The following CD274 variants were observed in gnomAD, a reference collection of about 807,000 sequenced individuals.
CD274 encodes programmed cell death 1 ligand 1.
Under a neutral mutation model 30.1 loss-of-function variants are expected in CD274, and 8 were observed. The ratio of observed to expected loss-of-function variants is 0.27; its 90% confidence interval spans 0.16 to 0.48. The LOEUF (loss-of-function observed/expected upper bound fraction) is 0.48. Among genes scored for constraint, CD274 ranks in the 20% least tolerant of loss-of-function variants. CD274 has a pLI of 0.99. For missense variants in CD274, 353 were observed against 346.6 expected (o/e 1.02, Z -0.15); for synonymous variants, 152 against 124.6 (o/e 1.22, Z -1.46).
chr9:5,458,256 C>G (rs1819342475), intron 3 of CD274, among the ~76,000 whole-genome samples: 1 of 152,184 alleles, frequency 6.6e-6, no homozygotes, highest in South Asian at 2.1e-4. Flanking sequence ...GAAAGGATCC[C>G]AGGCAGGAGC....
intron 1 of CD274, among the ~76,000 whole-genome samples, chr9:5,454,409 C>G (rs1471549209): frequency 1.3e-5 from 2 of 152,160 alleles, no homozygotes; most frequent in East Asian, 3.9e-4. Flanking sequence ...AACACACACA[C>G]ACACTTTTTT....
rs2131211414 is a variant in CD274 at position 5,457,154 on chromosome 9, C to G, written c.128C>G (p.Pro43Arg). 1 of 1,613,882 alleles carries G rather than the reference C, an allele frequency of 6.2e-7. No individual in the cohort carries two copies. The highest frequency in any genetic ancestry group is 8.5e-7 in the Non-Finnish European group (1 of 1,179,828). Residue 43 changes from proline to arginine, a missense_variant, in exon 3 of 7, where the codon CCA becomes CGA. Coordinates refer to ENST00000381577, the MANE Select transcript of CD274 (RefSeq NM_014143.4). ...AATATGACAATTGAATGCAAATTCCCAGTAGAAAAACAATTAGACCTGGCT... is the reference window on the plus strand; with the variant it reads ...AATATGACAATTGAATGCAAATTCCGAGTAGAAAAACAATTAGACCTGGCT... ...GSNMTIECKF[P>R]VEKQLDLAAL... is the part of the protein sequence containing the mutation.
rs1204203134 is a variant in CD274 at position 5,467,850 on chromosome 9, G to A, written c.861G>A (p.Leu287=). ...TNSKKQSDTH[L]EET is the part of the protein sequence containing the mutation. Reference sequence around the variant, plus strand: ...ATTATCACTCTCCAGATACACATTTGGAGGAGACGTAATCCAGCATTGGAA... The same window carrying A: ...ATTATCACTCTCCAGATACACATTTAGAGGAGACGTAATCCAGCATTGGAA... The change falls in exon 7 of 7, where the codon TTG becomes TTA. Residue 287 remains leucine, a synonymous_variant. Coordinates refer to ENST00000381577, the MANE Select transcript of CD274 (RefSeq NM_014143.4). 6.2e-6 allele frequency: 10 copies of A among 1,610,276 alleles called. No individual in the cohort carries two copies. The South Asian group carries it at 9.9e-5, about 16-fold the overall frequency.
rs759790971 is a variant in CD274 at position 5,457,238 on chromosome 9, A to T, written c.212A>T (p.Glu71Val). ...AACATTATTCAATTTGTGCATGGAG[A>T]GGAAGACCTGAAGGTTCAGCATAGT... is the stretch of plus-strand genomic sequence containing the variant. Reference protein sequence around the residue: ...DKNIIQFVHGEEDLKVQHSSY... With the variant: ...DKNIIQFVHGVEDLKVQHSSY... Residue 71 changes from glutamate (E) to valine (V), a missense_variant, in exon 3 of 7, where the codon GAG becomes GTG. Coordinates refer to ENST00000381577, the MANE Select transcript of CD274 (RefSeq NM_014143.4). 1 of 1,614,106 alleles carries T rather than the reference A, an allele frequency of 6.2e-7. No homozygotes were observed.
intron 1 of CD274, among the ~76,000 whole-genome samples, chr9:5,451,402 G>A (rs1819200103): frequency 6.6e-6 from 1 of 152,180 alleles, no homozygotes; most frequent in African/African-American, 2.4e-5. Flanking sequence ...GCCATTCACT[G>A]AACTCATTGC....
Position 5,462,942 on chromosome 9 carries a change from C to G in CD274, c.503C>G (p.Thr168Arg), listed in dbSNP as rs1034673445. 24 of 1,614,068 alleles carry G rather than the reference C, an allele frequency of 1.5e-5. No individual in the cohort carries two copies. Among genetic ancestry groups the G allele is most frequent in the Non-Finnish European group, 1.7e-5 (20 of 1,179,940 alleles). Reference protein sequence around the residue: ...EGYPKAEVIWTSSDHQVLSGK... With the variant: ...EGYPKAEVIWRSSDHQVLSGK... ...TACCCCAAGGCCGAAGTCATCTGGACAAGCAGTGACCATCAAGTCCTGAGT... is the reference window on the plus strand; with the variant it reads ...TACCCCAAGGCCGAAGTCATCTGGAGAAGCAGTGACCATCAAGTCCTGAGT... Residue 168 changes from threonine to arginine, a missense_variant, in exon 4 of 7, where the codon ACA (threonine) becomes AGA (arginine). Thr to Arg is a moderately conservative substitution (Grantham distance 71). Coordinates refer to ENST00000381577, the MANE Select transcript of CD274 (RefSeq NM_014143.4).
chr9:5,461,563 C>T (rs1346890528), intron 3 of CD274, among the ~76,000 whole-genome samples: 2 of 152,014 alleles, frequency 1.3e-5, no homozygotes, highest in African/African-American at 2.4e-5. Context: ...GAAATTACCT[C>T]ACAAATCTAT....
chr9:5,470,446 C>T lies in CD274; in HGVS notation c.*2584C>T, dbSNP rs2131239776. On this transcript the variant is annotated 3_prime_UTR_variant, in exon 7 of 7. Transcript: ENST00000381577. ...CTGCATTTGATTGTCACTTTTTGTA[C>T]CTGCATTAATTTAATAAAATATTCT... 1 of 227,350 alleles carries T rather than the reference C, an allele frequency of 4.4e-6. No homozygotes were observed. The highest frequency in any genetic ancestry group is 6.3e-5 in the East Asian group (1 of 15,816). The allele number at this position is 227,350 out of a possible 1,614,324, so 14.1% of individuals were successfully genotyped here.
intron 4 of CD274, among the ~76,000 whole-genome samples, chr9:5,465,170 C>G (rs1283843575): frequency 6.6e-6 from 1 of 151,472 alleles, no homozygotes; most frequent in Non-Finnish European, 1.5e-5. Flanking sequence ...TGGTACTGTG[C>G]AAGCACATTA....
At chr9:5,452,240 C>T (rs1819219804) in intron 1 of CD274, among the ~76,000 whole-genome samples, 1 of 152,174 alleles carries the variant, frequency 6.6e-6, no homozygotes. Context: ...TGATCTCGAA[C>T]TCCTGACCTC....
At chr9:5,451,313 A>G (rs1819198655) in intron 1 of CD274, among the ~76,000 whole-genome samples, 1 of 152,296 alleles carries the variant, frequency 6.6e-6, no homozygotes, top group Non-Finnish European at 1.5e-5. Context: ...TCATTGCTGC[A>G]TTCGATTAGA....
rs1314268320 is a variant in CD274 at position 5,469,728 on chromosome 9, T to A, written c.*1866T>A. 4.3e-6 allele frequency: 1 copy of A among 232,554 alleles called. No homozygotes were observed. Among genetic ancestry groups the A allele is most frequent in the African/African-American group, 2.2e-5 (1 of 45,302 alleles). 14.4% of individuals were successfully genotyped at this position (232,554 alleles called of 1,614,324 possible). On this transcript the variant is annotated 3_prime_UTR_variant, in exon 7 of 7. Coordinates refer to ENST00000381577, the MANE Select transcript of CD274 (RefSeq NM_014143.4). ...ATTTAGACAACCACCATTTGTTAAG[T>A]ATTTGCTCTAGGACAGAGTTTGGAT...
Position 5,456,159 on chromosome 9 carries a change from C to A in CD274, c.46C>A (p.Leu16Met), listed in dbSNP as rs2131208847. Residue 16 changes from leucine to methionine, a missense_variant, in exon 2 of 7, where the codon CTG becomes ATG. By Grantham distance (15) the Leu-to-Met change is conservative (BLOSUM62 2). Coordinates refer to ENST00000381577, the MANE Select transcript of CD274 (RefSeq NM_014143.4). ...VFIFMTYWHLLNAFTVTVPKD... is the reference protein window; with the variant it reads ...VFIFMTYWHLMNAFTVTVPKD... ...TATATTCATGACCTACTGGCATTTG[C>A]TGAACGGTAAGACACCAAATCCTTC... The A allele has an allele frequency of 6.2e-7, 1 of 1,601,480 alleles. No homozygotes were observed. The highest frequency in any genetic ancestry group is 8.6e-7 in the Non-Finnish European group (1 of 1,168,910).
At chr9:5,461,113 C>G (rs1819396109) in intron 3 of CD274, among the ~76,000 whole-genome samples, 1 of 152,136 alleles carries the variant, frequency 6.6e-6, no homozygotes, top group African/African-American at 2.4e-5. Context: ...TTATCATTAA[C>G]AAAGGTGGAT....
intron 3 of CD274, among the ~76,000 whole-genome samples, chr9:5,458,731 G>T (rs1165856557): frequency 6.6e-6 from 1 of 152,172 alleles, no homozygotes; most frequent in Admixed American, 6.5e-5. Context: ...CTATTGTCAA[G>T]AAGATACCAC....
At chr9:5,465,014 G>A (rs1819472119) in intron 4 of CD274, among the ~76,000 whole-genome samples, 1 of 151,328 alleles carries the variant, frequency 6.6e-6, no homozygotes, top group South Asian at 2.1e-4. Flanking sequence ...TTGAACCTGG[G>A]AGGCGGAAGT....
chr9:5,465,763 G>C (rs1819488219), intron 5 of CD274, 157 bp downstream of exon 5: 3 of 547,500 alleles, frequency 5.5e-6, no homozygotes, highest in Non-Finnish European at 6.6e-6. Context: ...GGGATCACTG[G>C]GTGAAGATGA....
At position 5,469,016 on chromosome 9, in the gene CD274, A is replaced by G; in HGVS notation, c.*1154A>G. ...TATTATTACAATTTAGTCCAGTGTCATAGCATAAGGATGATGCGAGGGGAA... is the reference window on the plus strand; with the variant it reads ...TATTATTACAATTTAGTCCAGTGTCGTAGCATAAGGATGATGCGAGGGGAA... On this transcript the variant is annotated 3_prime_UTR_variant, in exon 7 of 7. Coordinates refer to ENST00000381577, the MANE Select transcript of CD274 (RefSeq NM_014143.4). 1 of 233,166 alleles carries G rather than the reference A, an allele frequency of 4.3e-6. No individual in the cohort carries two copies. Among genetic ancestry groups the G allele is most frequent in the Non-Finnish European group, 8.5e-6 (1 of 117,952 alleles). The allele number at this position is 233,166 out of a possible 1,614,324, so 14.4% of individuals were successfully genotyped here.
chr9:5,467,412 C>T (rs1819515287), intron 6 of CD274, among the ~76,000 whole-genome samples: 1 of 152,110 alleles, frequency 6.6e-6, no homozygotes, highest in African/African-American at 2.4e-5. Flanking sequence ...CATTTATAAG[C>T]AGGGCAGAAA....
Sources: gnomAD v4.1 joint callset for allele counts (sites outside exome capture counted in the v4.1 genomes callset) on GRCh38, gnomAD v4.1.1 for gene constraint, MANE v1.5 for transcripts, NCBI Gene and HGNC (gene_info 2026-07-23, HGNC 2026-07-21) for gene names.